The following SPAG16 variants were observed in gnomAD, a reference collection of about 807,000 sequenced individuals.
SPAG16 encodes the protein sperm associated antigen 16, also known as sperm-associated antigen 16 protein.
In SPAG16, 86 loss-of-function variants were observed where a neutral mutation model predicts 80.4. The ratio of observed to expected loss-of-function variants is 1.07; its 90% confidence interval spans 0.90 to 1.28. SPAG16 has a LOEUF of 1.28. Among genes scored for constraint, SPAG16 ranks in the 50% most tolerant of loss-of-function variants. SPAG16 has a pLI of 0.00. For missense variants in SPAG16, 870 were observed against 765.3 expected, an observed-to-expected ratio of 1.14 and a Z score of -1.61; for synonymous variants, 294 against 265.9, an observed-to-expected ratio of 1.11 and a Z score of -1.03.
At chr2:214,316,837 T>A (rs1695730980) in intron 15 of SPAG16, among the ~76,000 whole-genome samples, 1 of 152,158 alleles carries the variant, frequency 6.6e-6, no homozygotes, top group Non-Finnish European at 1.5e-5. Context: ...TCTTGGCCAT[T>A]CTCACGGATT....
intron 5 of SPAG16, among the ~76,000 whole-genome samples, chr2:213,337,724 G>T (rs1263180240): frequency 1.3e-5 from 2 of 152,100 alleles, no homozygotes; most frequent in Non-Finnish European, 2.9e-5. Context: ...GTGTGATTAT[G>T]TTAAAAAACC....
At position 214,003,739 on chromosome 2, in the gene SPAG16, AATTT is replaced by A. The variant is rs202098894; in HGVS notation, c.1401-10206_1401-10203del. On this transcript the variant is annotated intron_variant, in intron 12 of 15. Coordinates refer to ENST00000331683, the MANE Select transcript of SPAG16 (RefSeq NM_024532.5). ...TTTGTGTATGTTCCTATTTAAAGAT[AATTT>A]ATTTAATATATATAGTTGAATCATT... Among the ~76,000 whole-genome samples, 101 of 152,300 alleles carry A rather than the reference AATTT, an allele frequency of 6.6e-4. 1 individual carries two copies. The East Asian group carries it at 0.017, about 26-fold the overall frequency.
intron 6 of SPAG16, among the ~76,000 whole-genome samples, chr2:213,343,615 GTTTT>G (rs1397292406): frequency 2.6e-5 from 4 of 151,990 alleles, no homozygotes; most frequent in Non-Finnish European, 4.4e-5. Context: ...AATGCTTAGA[GTTTT>G]AAAGAAAATG....
chr2:214,286,617 C>G (rs1693389235), intron 15 of SPAG16, among the ~76,000 whole-genome samples: 1 of 152,048 alleles, frequency 6.6e-6, no homozygotes, highest in African/African-American at 2.4e-5. Context: ...TGTGGTGGTG[C>G]ACAACTATAA....
intron 11 of SPAG16, among the ~76,000 whole-genome samples, chr2:213,880,945 G>C (rs2076319670): frequency 6.6e-6 from 1 of 151,926 alleles, no homozygotes; most frequent in Admixed American, 6.6e-5. Flanking sequence ...TGAATGACCT[G>C]TTAAGGCTCT....
intron 5 of SPAG16, among the ~76,000 whole-genome samples, chr2:213,339,171 T>C (rs79066770): frequency 0.024 from 3,629 of 152,330 alleles, 62 homozygotes; most frequent in African/African-American, 0.039. Flanking sequence ...CATAAACATC[T>C]TTGGTAGCAT....
At chr2:213,559,664 C>T (rs1401973580) in intron 10 of SPAG16, among the ~76,000 whole-genome samples, 6 of 152,022 alleles carry the variant, frequency 3.9e-5, no homozygotes, top group South Asian at 2.1e-4. Context: ...TAAAAATGTA[C>T]AAAACCTTAA....
intron 15 of SPAG16, among the ~76,000 whole-genome samples, chr2:214,363,934 G>A (rs1699325425): frequency 6.6e-6 from 1 of 152,052 alleles, no homozygotes; most frequent in Non-Finnish European, 1.5e-5. Flanking sequence ...TCAAGCATGG[G>A]AGCTTCTTTC....
intron 10 of SPAG16, among the ~76,000 whole-genome samples, chr2:213,623,718 C>A (rs921870464): frequency 2.0e-5 from 3 of 152,062 alleles, no homozygotes; most frequent in Middle Eastern, 3.4e-3. Context: ...GTAATACATG[C>A]AAGGCATTTT....
chr2:213,323,366 A>G (rs2063704372), intron 5 of SPAG16, among the ~76,000 whole-genome samples: 1 of 152,048 alleles, frequency 6.6e-6, no homozygotes, highest in South Asian at 2.1e-4. Flanking sequence ...GTGTGAACCC[A>G]GGAGGCGGAG....
chr2:213,602,573 G>T (rs1223809106), intron 10 of SPAG16, among the ~76,000 whole-genome samples: 2 of 152,210 alleles, frequency 1.3e-5, no homozygotes, highest in East Asian at 1.9e-4. Context: ...GGCAGAGGTT[G>T]CAGTGAGCCA....
At chr2:213,602,367 C>G (rs1247557457) in intron 10 of SPAG16, among the ~76,000 whole-genome samples, 1 of 152,230 alleles carries the variant, frequency 6.6e-6, no homozygotes, top group Non-Finnish European at 1.5e-5. Flanking sequence ...CACAGTGGGG[C>G]TCTCGCCTGT....
At chr2:213,806,509 T>C (rs1175825807) in intron 10 of SPAG16, among the ~76,000 whole-genome samples, 1 of 152,176 alleles carries the variant, frequency 6.6e-6, no homozygotes, top group East Asian at 1.9e-4. Flanking sequence ...AATGTTTATG[T>C]ATCCCCTGAG....
At chr2:213,422,147 A>G in intron 9 of SPAG16, 1 of 697,110 alleles carries the variant, frequency 1.4e-6, no homozygotes, top group Non-Finnish European at 2.6e-6. Context: ...GGTGATGAGA[A>G]GGAGAGAAGA....
At chr2:214,039,562 G>A (rs1343356492) in intron 13 of SPAG16, among the ~76,000 whole-genome samples, 1 of 152,104 alleles carries the variant, frequency 6.6e-6, no homozygotes, top group Admixed American at 6.5e-5. Context: ...CTGACAAAGG[G>A]CTAATATCCA....
intron 15 of SPAG16, among the ~76,000 whole-genome samples, chr2:214,198,108 C>T (rs2057899387): frequency 6.6e-6 from 1 of 151,828 alleles, no homozygotes; most frequent in African/African-American, 2.4e-5. Flanking sequence ...ATTTTTATTT[C>T]AATAGTTTTT....
chr2:213,296,077 T>TG lies in SPAG16; in HGVS notation c.151dup (p.Glu51GlyfsTer4), dbSNP rs750455980. Reference sequence around the variant, plus strand: ...CAAGATATTCAGAGGTCACCATAACTGAAGCATCTGAAGATGACTATGAAT... The same window carrying TG: ...CAAGATATTCAGAGGTCACCATAACTGGAAGCATCTGAAGATGACTATGAAT... On this transcript the variant is annotated frameshift_variant, in exon 2 of 16. Transcript: ENST00000331683. LOFTEE classifies it high-confidence loss of function. 2 of 1,609,902 alleles carry TG rather than the reference T, an allele frequency of 1.2e-6. No individual in the cohort carries two copies. The highest frequency in any genetic ancestry group is 1.1e-5 in the South Asian group (1 of 90,762).
intron 11 of SPAG16, among the ~76,000 whole-genome samples, chr2:213,911,434 G>A (rs974264239): frequency 1.3e-5 from 2 of 152,058 alleles, no homozygotes; most frequent in Admixed American, 6.6e-5. Context: ...CATGTGCCAC[G>A]GTGCCCTGCC....
intron 13 of SPAG16, among the ~76,000 whole-genome samples, chr2:214,044,408 G>A (rs182954612): frequency 7.9e-4 from 120 of 152,210 alleles, no homozygotes; most frequent in African/African-American, 1.5e-3. Context: ...CTGAAGTCAC[G>A]TCCACCCCTG....
Sources: gnomAD v4.1 joint callset for allele counts (sites outside exome capture counted in the v4.1 genomes callset) on GRCh38, gnomAD v4.1.1 for gene constraint, MANE v1.5 for transcripts, NCBI Gene and HGNC (gene_info 2026-07-23, HGNC 2026-07-21) for gene names.